Variants in ZNF592 observed in about 807,000 individuals in gnomAD.
ZNF592 encodes spinocerebellar ataxia, autosomal recessive 5.
A neutral mutation model predicts 80.3 loss-of-function variants in ZNF592; 11 were observed. The observed-to-expected ratio is 0.14, with a 90% CI of 0.09 to 0.23. The LOEUF (loss-of-function observed/expected upper bound fraction) is 0.23. Ranked by LOEUF, ZNF592 falls within the 10% of genes least tolerant of loss-of-function variation. The probability of loss-of-function intolerance (pLI) is 1.00; values close to 1 mark genes in which losing one functional copy is unlikely to be tolerated. For missense variants in ZNF592, 1,420 were observed against 1,633.9 expected (o/e 0.87, Z 2.26); for synonymous variants, 646 against 640.3 (o/e 1.01, Z -0.13).
At chr15:84,785,555 G>A (rs1246809262) in intron 4 of ZNF592, among the ~76,000 whole-genome samples, 2 of 152,116 alleles carry the variant, frequency 1.3e-5, no homozygotes, top group Non-Finnish European at 2.9e-5. Context: ...CAAGTGATCT[G>A]CCCACCTCAG....
At chr15:84,759,868 G>C (rs770316455) in intron 1 of ZNF592, among the ~76,000 whole-genome samples, 1 of 151,816 alleles carries the variant, frequency 6.6e-6, no homozygotes. Flanking sequence ...CTGGGACATA[G>C]GGTACAGCGT....
intron 1 of ZNF592, among the ~76,000 whole-genome samples, chr15:84,750,887 G>A (rs1398808525): frequency 6.6e-6 from 1 of 152,186 alleles, no homozygotes; most frequent in Non-Finnish European, 1.5e-5. Flanking sequence ...GGCCTTGGGG[G>A]CAGAATGCCT....
At chr15:84,762,349 C>T (rs1332827473) in intron 1 of ZNF592, among the ~76,000 whole-genome samples, 1 of 152,030 alleles carries the variant, frequency 6.6e-6, no homozygotes, top group Non-Finnish European at 1.5e-5. Flanking sequence ...ATTGAGAAGT[C>T]AGAGAAATCT....
intron 2 of ZNF592, among the ~76,000 whole-genome samples, chr15:84,772,527 G>C (rs1962111919): frequency 6.6e-6 from 1 of 152,064 alleles, no homozygotes; most frequent in South Asian, 2.1e-4. Flanking sequence ...TCCAGCCTGG[G>C]CAACAGAGTG....
intron 4 of ZNF592, among the ~76,000 whole-genome samples, chr15:84,785,409 T>A (rs1400179806): frequency 6.6e-6 from 1 of 152,156 alleles, no homozygotes; most frequent in Non-Finnish European, 1.5e-5. Flanking sequence ...CCTCTGGGGT[T>A]CAAGTGATTC....
intron 4 of ZNF592, among the ~76,000 whole-genome samples, chr15:84,789,870 C>T (rs1962692199): frequency 6.6e-6 from 1 of 152,178 alleles, no homozygotes; most frequent in Non-Finnish European, 1.5e-5. Flanking sequence ...TAAGAAGGGC[C>T]TCTCCAGCAT....
At chr15:84,772,616 T>C (rs1286040185) in intron 2 of ZNF592, among the ~76,000 whole-genome samples, 2 of 152,178 alleles carry the variant, frequency 1.3e-5, no homozygotes, top group Non-Finnish European at 2.9e-5. Flanking sequence ...ATGATATCAG[T>C]ATTTAAGCCA....
At chr15:84,753,684 C>G (rs1596102850) in intron 1 of ZNF592, among the ~76,000 whole-genome samples, 1 of 152,032 alleles carries the variant, frequency 6.6e-6, no homozygotes, top group East Asian at 1.9e-4. Context: ...TGTTGGCCAG[C>G]CTGGTCTTGA....
rs142045724 is a variant in ZNF592 at position 84,799,958 on chromosome 15, C to T, written c.3254C>T (p.Pro1085Leu). The T allele has an allele frequency of 9.9e-6, 16 of 1,614,092 alleles. No individual in the cohort carries two copies. Among genetic ancestry groups the T allele is most frequent in the East Asian group, 8.9e-5 (4 of 44,888 alleles). ...DLSQTSKVKP[P>L]GGHSPQVNHL... The stretch of plus-strand genomic sequence containing the variant: ...AGCCAGACGTCCAAAGTGAAACCTC[C>T]GGGTGGACATTCCCCTCAGGTGAGT... Residue 1085 changes from proline (P) to leucine (L), a missense_variant, in exon 10 of 11, where the codon CCG (proline) becomes CTG (leucine). This residue lies in a region of ZNF592 where 331 missense variants were observed against 347.0 expected (regional missense o/e 0.95). Transcript: ENST00000560079. This position sits in a 1 kb window ranked among gnomAD's most constrained non-coding sequence, Gnocchi z 4.2.
chr15:84,783,886 C>G lies in ZNF592; in HGVS notation c.1211C>G (p.Ser404Cys), dbSNP rs763393042. Residue 404 changes from serine to cysteine, a missense_variant, in exon 4 of 11, where the codon TCC (serine) becomes TGC (cysteine). By Grantham distance (112) the Ser-to-Cys change is moderately radical. Transcript: ENST00000560079. This position sits in a 1 kb window ranked among gnomAD's most constrained non-coding sequence, Gnocchi z 5.0. ...ILPDPDDPSK[S>C]PVGSPLGSAI... is the part of the protein sequence containing the mutation. ...CCAGATCCTGATGATCCAAGTAAGT[C>G]CCCTGTTGGGTCACCTCTAGGGAGC... 2 of 1,614,180 alleles carry G rather than the reference C, an allele frequency of 1.2e-6. No individual in the cohort carries two copies. Among genetic ancestry groups the G allele is most frequent in the Non-Finnish European group, 1.7e-6 (2 of 1,180,000 alleles).
At chr15:84,789,814 G>T (rs1962690959) in intron 4 of ZNF592, among the ~76,000 whole-genome samples, 2 of 152,146 alleles carry the variant, frequency 1.3e-5, no homozygotes, top group East Asian at 3.8e-4. Flanking sequence ...CCCCACATCA[G>T]TGGCCACCTC....
chr15:84,783,464 T>G lies in ZNF592; in HGVS notation c.789T>G (p.Gly263=). 1 of 1,614,208 alleles carries G rather than the reference T, an allele frequency of 6.2e-7. No individual in the cohort carries two copies. Among genetic ancestry groups the G allele is most frequent in the Admixed American group, 1.7e-5 (1 of 60,020 alleles). ...CCAAGGGGCTTGCCCGGGAGCTTGG[T>G]ACCTGCTCATCAGTCCCCCCTAGGC... is the stretch of plus-strand genomic sequence containing the variant. ...GESKGLAREL[G]TCSSVPPRQR... is the part of the protein sequence containing the mutation. Residue 263 remains glycine (G), a synonymous_variant, in exon 4 of 11, where the codon GGT becomes GGG. Transcript: ENST00000560079. This position sits in a 1 kb window ranked among gnomAD's most constrained non-coding sequence, Gnocchi z 5.0.
chr15:84,780,056 G>T (rs1487974657), intron 3 of ZNF592, among the ~76,000 whole-genome samples: 2 of 145,232 alleles, frequency 1.4e-5, no homozygotes, highest in Non-Finnish European at 3.0e-5. Flanking sequence ...GCAAGATCTC[G>T]ACTCACTGCA....
intron 3 of ZNF592, among the ~76,000 whole-genome samples, chr15:84,779,519 C>T (rs1469905): frequency 0.84 from 127,842 of 152,002 alleles, 54,181 homozygotes; most frequent in African/African-American, 0.95. Context: ...ATTAATGTTT[C>T]TTATTCTTTT....
intron 2 of ZNF592, among the ~76,000 whole-genome samples, chr15:84,776,021 A>G (rs1962242419): frequency 6.6e-6 from 1 of 152,194 alleles, no homozygotes; most frequent in Admixed American, 6.5e-5. Flanking sequence ...GACTGTTCAT[A>G]TTGTTACATA....
intron 2 of ZNF592, among the ~76,000 whole-genome samples, chr15:84,765,573 T>A (rs1899489934): frequency 7.3e-6 from 1 of 136,660 alleles, no homozygotes; most frequent in African/African-American, 2.8e-5. Flanking sequence ...AGAGTCTTGC[T>A]CTGTTGCCAG....
In ZNF592 at chr15:84,798,603, C is replaced by A; in HGVS notation, c.2752C>A (p.Pro918Thr). ...MQHVKSTHGV[P>T]RNVDELSSLQ... ...CCATCCCCAGAGCACCCACGGTGTT[C>A]CCCGAAATGTGGACGAGCTGTCAAG... The change falls in exon 8 of 11, where the codon CCC (proline) becomes ACC (threonine). Residue 918 changes from proline to threonine, a missense_variant. Coordinates refer to ENST00000560079, the MANE Select transcript of ZNF592 (RefSeq NM_014630.3). The surrounding 1 kb of genome is among the most constrained non-coding windows in gnomAD (Gnocchi z 4.5). 1 of 1,614,104 alleles carries A rather than the reference C, an allele frequency of 6.2e-7. No homozygotes were observed. Among genetic ancestry groups the A allele is most frequent in the Non-Finnish European group, 8.5e-7 (1 of 1,180,018 alleles).
Position 84,798,783 on chromosome 15 carries a change from C to G in ZNF592, c.2932C>G (p.Leu978Val). Residue 978 changes from leucine to valine, a missense_variant, in exon 8 of 11, where the codon CTG becomes GTG. Transcript: ENST00000560079. This position sits in a 1 kb window ranked among gnomAD's most constrained non-coding sequence, Gnocchi z 4.5. Reference protein sequence around the residue: ...AHRRVEARPRLRNTGWTCQEC... With the variant: ...AHRRVEARPRVRNTGWTCQEC... ...CCGCAGGGTGGAAGCCAGGCCGCGG[C>G]TGAGGAACACTGGCTGGACCTGCCA... 2 of 1,603,416 alleles carry G rather than the reference C, an allele frequency of 1.2e-6. No individual in the cohort carries two copies. Among genetic ancestry groups the G allele is most frequent in the South Asian group, 2.2e-5 (2 of 90,984 alleles).
chr15:84,805,825 C>T lies in ZNF592; in HGVS notation c.*3432C>T, dbSNP rs1567082088. 1 of 152,618 alleles carries T rather than the reference C, an allele frequency of 6.6e-6. No homozygotes were observed. Among genetic ancestry groups the T allele is most frequent in the South Asian group, 2.1e-4 (1 of 4,816 alleles). The allele number at this position is 152,618 out of a possible 1,614,324, so 9.5% of individuals were successfully genotyped here. Reference sequence around the variant, plus strand: ...GGGTATACAATAAATGGTAAGCTTCCCCATGGAGGTCAGCCTCTAGTCCCC... The same window carrying T: ...GGGTATACAATAAATGGTAAGCTTCTCCATGGAGGTCAGCCTCTAGTCCCC... On this transcript the variant is annotated 3_prime_UTR_variant, in exon 11 of 11. Transcript: ENST00000560079.
Sources: gnomAD v4.1 joint callset for allele counts (sites outside exome capture counted in the v4.1 genomes callset) on GRCh38, gnomAD v4.1.1 for gene constraint, gnomAD v4.1.1 regional missense constraint, Gnocchi (gnomAD v3.1) non-coding constraint, MANE v1.5 for transcripts, NCBI Gene and HGNC (gene_info 2026-07-23, HGNC 2026-07-21) for gene names.